The following KCNH8 variants were observed in gnomAD, a reference collection of about 807,000 sequenced individuals.
KCNH8 encodes the protein potassium voltage-gated channel subfamily H member 8, also known as voltage-gated delayed rectifier potassium channel KCNH8.
KCNH8 carries 70 observed loss-of-function variants against 103.6 expected under a neutral mutation model. The ratio of observed to expected loss-of-function variants is 0.68; its 90% CI spans 0.56 to 0.82. KCNH8 has a LOEUF of 0.82. Among genes scored for constraint, KCNH8 ranks in the 40% least tolerant of loss-of-function variants. The probability of loss-of-function intolerance (pLI) is 0.00; values close to 1 mark genes in which losing one functional copy is unlikely to be tolerated. For synonymous variants in KCNH8, 498 were observed against 489.4 expected, an observed-to-expected ratio of 1.02 and a Z score of -0.23; for missense variants, 1,217 against 1,329.9, an observed-to-expected ratio of 0.92 and a Z score of 1.32.
At chr3:19,335,516 A>C (rs1196071594) in intron 3 of KCNH8, among the ~76,000 whole-genome samples, 1 of 147,956 alleles carries the variant, frequency 6.8e-6, no homozygotes, top group South Asian at 2.1e-4. Context: ...TATACTTTTT[A>C]TACTCATCTA....
Position 19,421,271 on chromosome 3 carries a change from A to G in KCNH8, c.1178-16893A>G, listed in dbSNP as rs1212498241. Among the ~76,000 whole-genome samples the G allele has an allele frequency of 2.6e-5, 4 of 152,150 alleles. No homozygotes were observed. In the East Asian group the frequency reaches 7.7e-4, roughly 29 times the overall value. On this transcript the variant is annotated intron_variant, in intron 7 of 15. Transcript: ENST00000328405. ...AATTTAAAAAAATCTTTGTTTGACC[A>G]AATACTCAGTATGTTTTACAAAGTA...
intron 1 of KCNH8, among the ~76,000 whole-genome samples, chr3:19,170,409 A>T (rs976484716): frequency 5.9e-5 from 9 of 151,936 alleles, no homozygotes; most frequent in Non-Finnish European, 1.2e-4. Context: ...TATATGATGT[A>T]ATAGGGTCTC....
intron 1 of KCNH8, among the ~76,000 whole-genome samples, chr3:19,159,000 T>C (rs1365351181): frequency 6.6e-6 from 1 of 152,004 alleles, no homozygotes; most frequent in East Asian, 1.9e-4. Context: ...TATTATTTTA[T>C]TGTTTTTCTA....
At chr3:19,444,626 A>G (rs868113599) in intron 8 of KCNH8, among the ~76,000 whole-genome samples, 10 of 152,080 alleles carry the variant, frequency 6.6e-5, no homozygotes, top group South Asian at 2.1e-4. Context: ...TACTATATAT[A>G]AAGAACTGTT....
At chr3:19,330,264 AT>A (rs1434590834) in intron 3 of KCNH8, among the ~76,000 whole-genome samples, 1 of 151,980 alleles carries the variant, frequency 6.6e-6, no homozygotes, top group African/African-American at 2.4e-5. Context: ...TTCTCTATTG[AT>A]TTTTTCATTG....
intron 5 of KCNH8, among the ~76,000 whole-genome samples, chr3:19,367,877 A>G (rs1234979008): frequency 6.6e-6 from 1 of 152,100 alleles, no homozygotes; most frequent in Non-Finnish European, 1.5e-5. Flanking sequence ...TTGCAAACAC[A>G]TCAAGGTCTT....
intron 11 of KCNH8, among the ~76,000 whole-genome samples, chr3:19,484,899 G>A (rs900832341): frequency 1.3e-5 from 2 of 152,024 alleles, no homozygotes; most frequent in Admixed American, 6.5e-5. Context: ...TATAGGAGGA[G>A]GCCTATGATA....
At chr3:19,245,533 G>C (rs1338259982) in intron 1 of KCNH8, among the ~76,000 whole-genome samples, 1 of 152,190 alleles carries the variant, frequency 6.6e-6, no homozygotes, top group Non-Finnish European at 1.5e-5. Context: ...TGTTGAATCT[G>C]TAAATTCTTT....
At chr3:19,175,509 A>G (rs2063391015) in intron 1 of KCNH8, among the ~76,000 whole-genome samples, 1 of 152,140 alleles carries the variant, frequency 6.6e-6, no homozygotes, top group African/African-American at 2.4e-5. Flanking sequence ...GCGCCCGGCC[A>G]ACTGTTTTGT....
intron 1 of KCNH8, among the ~76,000 whole-genome samples, chr3:19,170,612 A>T (rs888899127): frequency 7.0e-6 from 1 of 142,830 alleles, no homozygotes. Context: ...ATATATATGT[A>T]TACACACACA....
chr3:19,249,189 G>A (rs922600394), intron 1 of KCNH8, among the ~76,000 whole-genome samples: 5 of 152,172 alleles, frequency 3.3e-5, no homozygotes, highest in Admixed American at 6.5e-5. Flanking sequence ...TAAGTATTAT[G>A]GCAGTGGCTT....
rs563350120 is a variant in KCNH8, at chr3:19,325,680, A to G, written c.443-16907A>G. On this transcript the variant is annotated intron_variant, in intron 3 of 15. Transcript: ENST00000328405. Reference sequence around the variant, plus strand: ...GAATGGCCACTGTGAAATGTCAAAAAGTAACAGATGTTGGTGATGTTATGG... The same window carrying G: ...GAATGGCCACTGTGAAATGTCAAAAGGTAACAGATGTTGGTGATGTTATGG... Among the ~76,000 whole-genome samples, 141 of 152,348 alleles carry G rather than the reference A, an allele frequency of 9.3e-4. 1 individual carries two copies. Among genetic ancestry groups the G allele is most frequent in the African/African-American group, 3.3e-3 (137 of 41,590 alleles).
chr3:19,194,395 A>G (rs75718832), intron 1 of KCNH8, among the ~76,000 whole-genome samples: 6,688 of 151,736 alleles, frequency 0.044, 485 homozygotes, highest in African/African-American at 0.15. Context: ...CACAAGTTGT[A>G]TGAATTATTT....
intron 1 of KCNH8, among the ~76,000 whole-genome samples, chr3:19,167,846 T>A (rs923561138): frequency 3.3e-5 from 5 of 152,154 alleles, no homozygotes; most frequent in African/African-American, 1.2e-4. Flanking sequence ...TTTCACCAGT[T>A]TTACATGGAA....
At chr3:19,385,272 A>G (rs1375965530) in intron 5 of KCNH8, among the ~76,000 whole-genome samples, 1 of 152,188 alleles carries the variant, frequency 6.6e-6, no homozygotes, top group African/African-American at 2.4e-5. Context: ...ATCTTTATAA[A>G]TTATATGAAT....
At chr3:19,424,828 C>T (rs571726731) in intron 7 of KCNH8, among the ~76,000 whole-genome samples, 1 of 152,104 alleles carries the variant, frequency 6.6e-6, no homozygotes, top group African/African-American at 2.4e-5. Flanking sequence ...AAATGGCCAA[C>T]AAACATATAA....
intron 11 of KCNH8, among the ~76,000 whole-genome samples, chr3:19,480,316 C>A (rs1487947913): frequency 6.6e-6 from 1 of 152,162 alleles, no homozygotes; most frequent in Non-Finnish European, 1.5e-5. Context: ...GACTGAAAAA[C>A]CACTCAAAAT....
At chr3:19,408,136 C>G (rs942382368) in intron 7 of KCNH8, among the ~76,000 whole-genome samples, 1 of 152,058 alleles carries the variant, frequency 6.6e-6, no homozygotes, top group African/African-American at 2.4e-5. Flanking sequence ...CCCCATTGGT[C>G]ACAACCAAAT....
chr3:19,399,930 G>T (rs1210313270), intron 7 of KCNH8, among the ~76,000 whole-genome samples: 13 of 151,858 alleles, frequency 8.6e-5, no homozygotes, highest in Non-Finnish European at 1.8e-4. Flanking sequence ...ATGAGCTAAG[G>T]TAGCCCCAGA....
Sources: allele counts gnomAD v4.1 joint callset (sites outside exome capture counted in the v4.1 genomes callset), GRCh38; gene constraint gnomAD v4.1.1; transcripts MANE v1.5; gene names NCBI Gene and HGNC (gene_info 2026-07-23, HGNC 2026-07-21).